CFAP157: variants seen among roughly 807,000 people sequenced by gnomAD.
CFAP157 encodes cilia- and flagella-associated protein 157.
Under a neutral mutation model 57.8 loss-of-function variants are expected in CFAP157, and 43 were observed. The ratio of observed to expected loss-of-function variants is 0.74; its 90% CI spans 0.58 to 0.96. The LOEUF is 0.96. Among genes scored for constraint, CFAP157 ranks in the 40% least tolerant of loss-of-function variants. CFAP157 has a pLI of 0.00. For synonymous variants in CFAP157, 267 were observed against 269.0 expected (o/e 0.99, Z 0.07); for missense variants, 606 against 655.3 (o/e 0.92, Z 0.82).
At chr9:127,712,435 G>T in intron 6 of CFAP157, 86 bp downstream of exon 6, 1 of 1,539,020 alleles carries the variant, frequency 6.5e-7, no homozygotes, top group Non-Finnish European at 8.8e-7. Context: ...GGCTGCCTCA[G>T]GATCAGAGGC....
In CFAP157 at chr9:127,714,203, G is replaced by A. The variant is rs1045894299; in HGVS notation, c.*298G>A. 3.7e-6 allele frequency: 6 copies of A among 1,613,828 alleles called. No individual in the cohort carries two copies. Among genetic ancestry groups the A allele is most frequent in the Admixed American group, 1.7e-5 (1 of 60,002 alleles). On this transcript the variant is annotated 3_prime_UTR_variant, in exon 9 of 9. Transcript: ENST00000373295. ...AGGCAGCAGCTCCTGCTCAGCAGGGGAGAAGCAGCCCAGCACATGGGCCTG... is the reference window on the plus strand; with the variant it reads ...AGGCAGCAGCTCCTGCTCAGCAGGGAAGAAGCAGCCCAGCACATGGGCCTG...
Position 127,707,191 on chromosome 9 carries a change from C to G in CFAP157, c.160C>G (p.Arg54Gly), listed in dbSNP as rs749457482. ...CCGAGACCTGGAGGACCGGCTAGCCCGGTGCGTGGGCTGGCGGGCAGGAGT... is the reference window on the plus strand; with the variant it reads ...CCGAGACCTGGAGGACCGGCTAGCCGGGTGCGTGGGCTGGCGGGCAGGAGT... ...QIRDLEDRLA[R>G]YQRKWDELAV... The change falls in exon 1 of 9, where the codon CGG becomes GGG. Residue 54 changes from arginine (R) to glycine (G), a missense_variant and splice_region_variant. Coordinates refer to ENST00000373295, the MANE Select transcript of CFAP157 (RefSeq NM_001012502.3). 2 of 1,610,648 alleles carry G rather than the reference C, an allele frequency of 1.2e-6. No individual in the cohort carries two copies. Among genetic ancestry groups the G allele is most frequent in the Non-Finnish European group, 1.7e-6 (2 of 1,179,426 alleles).
chr9:127,715,322 G>C lies in CFAP157; in HGVS notation c.*1417G>C, dbSNP rs1842935218. 1 of 1,297,678 alleles carries C rather than the reference G, an allele frequency of 7.7e-7. No homozygotes were observed. The highest frequency in any genetic ancestry group is 2.5e-5 in the East Asian group (1 of 39,826). 80.4% of individuals were successfully genotyped at this position (1,297,678 alleles called of 1,614,324 possible). ...CGCTGCAGTGGGGAAGGGGCGCGAA[G>C]AAGGGGCCCAGAAACCCGACCCCTG... On this transcript the variant is annotated 3_prime_UTR_variant, in exon 9 of 9. Coordinates refer to ENST00000373295, the MANE Select transcript of CFAP157 (RefSeq NM_001012502.3). The surrounding 1 kb of genome is among the most constrained non-coding windows in gnomAD (Gnocchi z 5.8).
intron 1 of CFAP157, 37 bp downstream of exon 1, chr9:127,707,229 G>A: frequency 6.3e-7 from 1 of 1,597,762 alleles, no homozygotes; most frequent in Non-Finnish European, 8.5e-7. Flanking sequence ...GGTGCCCTGG[G>A]TCAGAAGCCC....
In CFAP157 at chr9:127,711,631, T is replaced by C. The variant is rs551994005; in HGVS notation, c.855+135T>C. ...AGCAGAGAGAGGACTGGGCCTCCTG[T>C]GGGGGCTGCAGGGTGCTGGGCCTAG... On this transcript the variant is annotated intron_variant, in intron 4 of 8. Transcript: ENST00000373295. The C allele has an allele frequency of 2.0e-5, 25 of 1,245,178 alleles. No homozygotes were observed. In the African/African-American group the frequency reaches 2.9e-4, roughly 14 times the overall value. The allele number at this position is 1,245,178 out of a possible 1,614,324, so 77.1% of individuals were successfully genotyped here. A position where few individuals can be genotyped will look rare whatever the true frequency, so the allele number is the denominator to read the frequency against.
chr9:127,712,689 CA>C lies in CFAP157; in HGVS notation c.1138-19del, dbSNP rs771886876. On this transcript the variant is annotated intron_variant, in intron 6 of 8. Coordinates refer to ENST00000373295, the MANE Select transcript of CFAP157 (RefSeq NM_001012502.3). ...ACTGGGGCCACTGTGGGCCTGCTGC[CA>C]CCCCACCCTCACCAACAGATGCACC... 6.2e-6 allele frequency: 10 copies of C among 1,613,948 alleles called. No individual in the cohort carries two copies. Among genetic ancestry groups the C allele is most frequent in the African/African-American group, 2.7e-5 (2 of 74,906 alleles).
chr9:127,707,252 C>CCCCCATG, intron 1 of CFAP157, 60 bp downstream of exon 1: 2 of 1,573,328 alleles, frequency 1.3e-6, no homozygotes, highest in Non-Finnish European at 1.7e-6. Context: ...GCCCAGGTGG[C>CCCCCATG]CCCCATGCAG....
intron 1 of CFAP157, 116 bp downstream of exon 1, chr9:127,707,308 T>C (rs1842668661): frequency 1.2e-5 from 13 of 1,090,200 alleles, no homozygotes; most frequent in Non-Finnish European, 1.7e-5. Flanking sequence ...TCCCCTGGGA[T>C]GTCCAGACCC....
chr9:127,711,502 C>G lies in CFAP157; in HGVS notation c.855+6C>G, dbSNP rs762478299. On this transcript the variant is annotated splice_donor_region_variant and intron_variant, in intron 4 of 8. Transcript: ENST00000373295. ...ACAAAAGAGGCCACCAGAAGGTGTG[C>G]CTGCAGGCCTCAGCACAGGGCATTT... 9.3e-6 allele frequency: 15 copies of G among 1,611,850 alleles called. No individual in the cohort carries two copies. In the South Asian group the frequency reaches 1.4e-4, roughly 15 times the overall value.
At position 127,712,721 on chromosome 9, in the gene CFAP157, G is replaced by T; in HGVS notation, c.1150G>T (p.Glu384Ter). Residue 384 changes from glutamate (E) to a stop codon, truncating the protein, a stop_gained, in exon 7 of 9, where the codon GAA becomes TAA. Transcript: ENST00000373295. LOFTEE classifies it high-confidence loss of function. Reference protein sequence around the residue: ...LQNILQMHRDEEDSDVDVTFQ... With the variant: ...LQNILQMHRD ...CCCTCACCAACAGATGCACCGCGAT[G>T]AAGAGGACAGTGACGTTGACGTGAC... The T allele has an allele frequency of 1.2e-6, 2 of 1,614,162 alleles. No individual in the cohort carries two copies. The highest frequency in any genetic ancestry group is 1.7e-6 in the Non-Finnish European group (2 of 1,179,994).
intron 1 of CFAP157, among the ~76,000 whole-genome samples, chr9:127,708,844 A>G (rs989522231): frequency 3.0e-4 from 45 of 152,220 alleles, no homozygotes; most frequent in African/African-American, 9.7e-4. Context: ...TACTGGATGG[A>G]AAAAGGTAAG....
rs1564372171 is a variant in CFAP157, at chr9:127,715,642, TGCC to T, written c.*1738_*1740del. ...CCCAAAAAGCCGCCCGGCCTCATGC[TGCC>T]CCCATTCACTCCGACACCGCCCCCT... On this transcript the variant is annotated 3_prime_UTR_variant, in exon 9 of 9. Transcript: ENST00000373295. This position sits in a 1 kb window ranked among gnomAD's most constrained non-coding sequence, Gnocchi z 5.8. The T allele has an allele frequency of 9.9e-6, 16 of 1,611,318 alleles. No individual in the cohort carries two copies. Among genetic ancestry groups the T allele is most frequent in the Non-Finnish European group, 1.3e-5 (15 of 1,179,722 alleles).
At chr9:127,710,478 C>A in intron 2 of CFAP157, 123 bp from the exon 3 acceptor site, 1 of 1,202,330 alleles carries the variant, frequency 8.3e-7, no homozygotes. Flanking sequence ...GTAGACCTGC[C>A]CCACTGAGAC....
rs553236653 is a variant in CFAP157 at position 127,715,682 on chromosome 9, C to T, written c.*1777C>T. The T allele has an allele frequency of 1.3e-6, 2 of 1,592,322 alleles. No individual in the cohort carries two copies. Among genetic ancestry groups the T allele is most frequent in the South Asian group, 1.1e-5 (1 of 89,336 alleles). ...CGACACCGCCCCCTGACGTCATCAC[C>T]CCGCAGCAGCCAATCGTGTTGCCAA... is the stretch of plus-strand genomic sequence containing the variant. On this transcript the variant is annotated 3_prime_UTR_variant, in exon 9 of 9. Coordinates refer to ENST00000373295, the MANE Select transcript of CFAP157 (RefSeq NM_001012502.3). The surrounding 1 kb of genome is among the most constrained non-coding windows in gnomAD (Gnocchi z 5.8).
In CFAP157 at chr9:127,715,648, C is replaced by G. The variant is rs367957409; in HGVS notation, c.*1743C>G. The G allele has an allele frequency of 2.1e-4, 343 of 1,610,390 alleles. 1 individual carries two copies. In the African/African-American group the frequency reaches 3.1e-3, roughly 14 times the overall value. ...AAGCCGCCCGGCCTCATGCTGCCCCCATTCACTCCGACACCGCCCCCTGAC... is the reference window on the plus strand; with the variant it reads ...AAGCCGCCCGGCCTCATGCTGCCCCGATTCACTCCGACACCGCCCCCTGAC... On this transcript the variant is annotated 3_prime_UTR_variant, in exon 9 of 9. Coordinates refer to ENST00000373295, the MANE Select transcript of CFAP157 (RefSeq NM_001012502.3). This position sits in a 1 kb window ranked among gnomAD's most constrained non-coding sequence, Gnocchi z 5.8.
At position 127,711,327 on chromosome 9, in the gene CFAP157, A is replaced by G. The variant is rs1842761229; in HGVS notation, c.686A>G (p.Lys229Arg). 2 of 1,614,208 alleles carry G rather than the reference A, an allele frequency of 1.2e-6. No homozygotes were observed. The highest frequency in any genetic ancestry group is 1.7e-6 in the Non-Finnish European group (2 of 1,180,034). ...TGGGAGACAACCAAGCGGGCCATCA[A>G]AGAGAACAACGGCATTACCCTGCAG... ...RMWETTKRAI[K>R]ENNGITLQMA... is the part of the protein sequence containing the mutation. The change falls in exon 4 of 9, where the codon AAA (lysine) becomes AGA (arginine). Residue 229 changes from lysine (K) to arginine (R), a missense_variant. Coordinates refer to ENST00000373295, the MANE Select transcript of CFAP157 (RefSeq NM_001012502.3).
rs1842828463 is a variant in CFAP157, at chr9:127,713,825, A to G, written c.1492-9A>G. 6.2e-7 allele frequency: 1 copy of G among 1,613,568 alleles called. No individual in the cohort carries two copies. The highest frequency in any genetic ancestry group is 8.5e-7 in the Non-Finnish European group (1 of 1,179,794). On this transcript the variant is annotated splice_polypyrimidine_tract_variant and intron_variant, in intron 8 of 8. Coordinates refer to ENST00000373295, the MANE Select transcript of CFAP157 (RefSeq NM_001012502.3). The stretch of plus-strand genomic sequence containing the variant: ...CCCGGCCTCCAAGCCAGCATCTTTA[A>G]TCTTACAGATGCGTGCCCCTGGTTC...
At position 127,714,582 on chromosome 9, in the gene CFAP157, C is replaced by G. The variant is rs781497966; in HGVS notation, c.*677C>G. On this transcript the variant is annotated 3_prime_UTR_variant, in exon 9 of 9. Coordinates refer to ENST00000373295, the MANE Select transcript of CFAP157 (RefSeq NM_001012502.3). ...GGAGGCCTGAAGCCCTATCCCAACC[C>G]TGACCATCTCAGGACCTCACCTGGC... 6.2e-6 allele frequency: 10 copies of G among 1,611,622 alleles called. No individual in the cohort carries two copies. The South Asian group carries it at 1.1e-4, about 18-fold the overall frequency.
chr9:127,711,454 C>T lies in CFAP157; in HGVS notation c.813C>T (p.Asn271=), dbSNP rs1204270966. ...NLCKQLELLE[N]TQKVMARHKR... is the part of the protein sequence containing the mutation. ...GCAAACAGCTGGAGCTGCTGGAGAA[C>T]ACCCAGAAGGTCATGGCCAGGCACA... The change falls in exon 4 of 9, where the codon AAC becomes AAT. Residue 271 remains asparagine, a synonymous_variant. Coordinates refer to ENST00000373295, the MANE Select transcript of CFAP157 (RefSeq NM_001012502.3). 2.9e-5 allele frequency: 46 copies of T among 1,613,900 alleles called. No homozygotes were observed. The East Asian group carries it at 9.8e-4, about 34-fold the overall frequency.
Sources: allele counts gnomAD v4.1 joint callset (sites outside exome capture counted in the v4.1 genomes callset), GRCh38; gene constraint gnomAD v4.1.1; non-coding constraint Gnocchi (gnomAD v3.1); transcripts MANE v1.5; gene names NCBI Gene and HGNC (gene_info 2026-07-23, HGNC 2026-07-21).